DLGAP2: variants seen among roughly 807,000 people sequenced by gnomAD.
DLGAP2 encodes the protein DLG associated protein 2, also known as disks large-associated protein 2.
DLGAP2 carries 26 observed loss-of-function variants against 100.3 expected under a neutral mutation model. The ratio of observed to expected loss-of-function variants is 0.26; its 90% CI spans 0.19 to 0.36. The LOEUF (loss-of-function observed/expected upper bound fraction) is 0.36. Among genes scored for constraint, DLGAP2 ranks in the 10% least tolerant of loss-of-function variants. The probability of loss-of-function intolerance (pLI) is 1.00; values close to 1 mark genes in which losing one functional copy is unlikely to be tolerated. For missense variants in DLGAP2, 1,858 were observed against 1,453.2 expected, an observed-to-expected ratio of 1.28 and a Z score of -4.53; for synonymous variants, 886 against 630.1, an observed-to-expected ratio of 1.41 and a Z score of -6.08.
intron 4 of DLGAP2, among the ~76,000 whole-genome samples, chr8:1,540,544 A>G (rs908912019): frequency 6.6e-6 from 1 of 152,180 alleles, no homozygotes; most frequent in Non-Finnish European, 1.5e-5. Context: ...AGAAAAAAAA[A>G]CACCCACCTA....
chr8:1,269,480 T>C (rs1799535666), intron 3 of DLGAP2, among the ~76,000 whole-genome samples: 1 of 152,218 alleles, frequency 6.6e-6, no homozygotes, highest in African/African-American at 2.4e-5. Context: ...AGCTGAGTTT[T>C]AGATCTTCTT....
At chr8:945,735 T>C (rs1799300912) in intron 2 of DLGAP2, among the ~76,000 whole-genome samples, 1 of 152,244 alleles carries the variant, frequency 6.6e-6, no homozygotes, top group Non-Finnish European at 1.5e-5. Context: ...GAACATTTTC[T>C]AATTTTCTCC....
At chr8:964,818 C>T (rs1553409) in intron 2 of DLGAP2, among the ~76,000 whole-genome samples, 51,836 of 152,222 alleles carry the variant, frequency 0.34, 10,486 homozygotes, top group Admixed American at 0.51. Flanking sequence ...GCCCTTCCAG[C>T]GCTGCCAGGC....
intron 2 of DLGAP2, among the ~76,000 whole-genome samples, chr8:1,154,969 G>A (rs1044842121): frequency 6.6e-6 from 1 of 152,216 alleles, no homozygotes; most frequent in African/African-American, 2.4e-5. Flanking sequence ...TCACCAGGAC[G>A]TGAATGGCTA....
chr8:1,620,036 G>A (rs1367810646), intron 6 of DLGAP2: 4 of 152,058 alleles, frequency 2.6e-5, no homozygotes, highest in Admixed American at 6.6e-5. Context: ...AAATGTTCAC[G>A]TTGCTTCATC....
At chr8:1,574,898 A>G (rs1219957614) in intron 6 of DLGAP2, among the ~76,000 whole-genome samples, 1 of 152,212 alleles carries the variant, frequency 6.6e-6, no homozygotes, top group East Asian at 1.9e-4. Flanking sequence ...ATACCTAATG[A>G]GTCTTGAAGA....
chr8:750,159 C>T (rs547405117), intron 1 of DLGAP2, among the ~76,000 whole-genome samples: 6 of 152,202 alleles, frequency 3.9e-5, no homozygotes, highest in Admixed American at 1.3e-4. Flanking sequence ...CCGGTTAGGC[C>T]GGCTGCATGG....
chr8:1,004,305 G>A (rs762567735), intron 2 of DLGAP2, among the ~76,000 whole-genome samples: 3 of 152,194 alleles, frequency 2.0e-5, no homozygotes, highest in Non-Finnish European at 2.9e-5. Flanking sequence ...CTCCCAAGCA[G>A]CTTAACCAGC....
At chr8:763,206 G>T (rs1031759037) in intron 1 of DLGAP2, among the ~76,000 whole-genome samples, 4 of 152,236 alleles carry the variant, frequency 2.6e-5, no homozygotes, top group Non-Finnish European at 5.9e-5. Context: ...TGGACTATCA[G>T]CAGCGCAGCC....
intron 1 of DLGAP2, among the ~76,000 whole-genome samples, chr8:832,165 C>T (rs1796795941): frequency 1.3e-5 from 2 of 152,080 alleles, no homozygotes; most frequent in Admixed American, 1.3e-4. Flanking sequence ...CTGTAGGTTG[C>T]CTTTTCACTC....
chr8:1,326,460 C>T (rs747324215), intron 3 of DLGAP2, among the ~76,000 whole-genome samples: 26 of 152,282 alleles, frequency 1.7e-4, no homozygotes, highest in Non-Finnish European at 2.8e-4. Context: ...CCCTGTCTTT[C>T]AGGACATGGC....
intron 1 of DLGAP2, among the ~76,000 whole-genome samples, chr8:884,328 C>T (rs952767361): frequency 2.0e-5 from 3 of 152,152 alleles, no homozygotes; most frequent in African/African-American, 7.2e-5. Context: ...TTAATAATTG[C>T]CATTCTGACT....
At chr8:1,682,475 T>C (rs1294760317) in intron 12 of DLGAP2, among the ~76,000 whole-genome samples, 1 of 128,936 alleles carries the variant, frequency 7.8e-6, no homozygotes, top group Non-Finnish European at 1.6e-5. Flanking sequence ...TTAGGATATA[T>C]AGTATTTTTT....
intron 4 of DLGAP2, among the ~76,000 whole-genome samples, chr8:1,503,122 A>G (rs1235806938): frequency 1.3e-5 from 2 of 152,196 alleles, no homozygotes; most frequent in Non-Finnish European, 2.9e-5. Flanking sequence ...GGCTTGGTGA[A>G]GGCTGGATTG....
At chr8:1,003,475 G>A (rs1236685480) in intron 2 of DLGAP2, among the ~76,000 whole-genome samples, 1 of 152,218 alleles carries the variant, frequency 6.6e-6, no homozygotes, top group East Asian at 1.9e-4. Context: ...TATTTATTTG[G>A]CCAAATTGTT....
intron 3 of DLGAP2, among the ~76,000 whole-genome samples, chr8:1,359,607 C>T (rs1022036850): frequency 1.3e-5 from 2 of 152,220 alleles, no homozygotes; most frequent in East Asian, 3.9e-4. Context: ...GTCCCTGGTG[C>T]AGAGGCTGAT....
chr8:932,278 CTG>C (rs1205481222), intron 2 of DLGAP2, among the ~76,000 whole-genome samples: 1 of 152,222 alleles, frequency 6.6e-6, no homozygotes, highest in Admixed American at 6.5e-5. Context: ...CAAATGTTCT[CTG>C]AAGTTCATAA....
chr8:1,080,027 G>A (rs1454675048), intron 2 of DLGAP2, among the ~76,000 whole-genome samples: 3 of 152,202 alleles, frequency 2.0e-5, no homozygotes, highest in East Asian at 3.9e-4. Flanking sequence ...TCTGAAAGAG[G>A]AGTGGGTTAA....
In DLGAP2 at chr8:1,233,733, G is replaced by A. The variant is rs542537711; in HGVS notation, c.74-25118G>A. On this transcript the variant is annotated intron_variant, in intron 2 of 14. Coordinates refer to ENST00000637795, the MANE Select transcript of DLGAP2 (RefSeq NM_001346810.2). ...TGTCAGTTGACTTTCTGGGAAACAC[G>A]CAGGGCTGTAAGTATTTAGGACATC... Among the ~76,000 whole-genome samples the A allele has an allele frequency of 1.8e-4, 27 of 152,250 alleles. 1 individual carries two copies. The highest frequency in any genetic ancestry group is 1.8e-3 in the Admixed American group (27 of 15,302).
Sources: allele counts gnomAD v4.1 joint callset (sites outside exome capture counted in the v4.1 genomes callset), GRCh38; gene constraint gnomAD v4.1.1; transcripts MANE v1.5; gene names NCBI Gene and HGNC (gene_info 2026-07-23, HGNC 2026-07-21).